The following PPP2R5C variants were observed in gnomAD, a reference collection of about 807,000 sequenced individuals.
PPP2R5C encodes protein phosphatase 2 regulatory subunit B'gamma, also known as serine/threonine-protein phosphatase 2A 56 kDa regulatory subunit gamma isoform.
In PPP2R5C, 7 loss-of-function variants were observed where a neutral mutation model predicts 68.9. The ratio of observed to expected loss-of-function variants is 0.10; its 90% CI spans 0.06 to 0.19. PPP2R5C has a LOEUF of 0.19. PPP2R5C is among the 10% of genes least tolerant of loss of function. PPP2R5C has a pLI of 1.00. For synonymous variants in PPP2R5C, 210 were observed against 222.2 expected (o/e 0.95, Z 0.49); for missense variants, 348 against 641.3 (o/e 0.54, Z 4.94).
Position 101,893,111 on chromosome 14 carries a change from AAGGGGCAGC to A in PPP2R5C, c.798+7_798+15del. 7.6e-6 allele frequency: 12 copies of A among 1,571,266 alleles called. No individual in the cohort carries two copies. The highest frequency in any genetic ancestry group is 1.1e-5 in the Non-Finnish European group (12 of 1,141,172). On this transcript the variant is annotated splice_donor_5th_base_variant and intron_variant, in intron 7 of 13. Transcript: ENST00000334743. ...CTCTGAGTGTCTACCATCCCCAGGT[AAGGGGCAGC>A]AGGACTCTAGGAACACAGCTGTTGG... is the stretch of plus-strand genomic sequence containing the variant.
rs982290240 is a variant in PPP2R5C at position 101,916,259 on chromosome 14, C to T, written c.1327-1572C>T. Among the ~76,000 whole-genome samples the T allele has an allele frequency of 1.3e-5, 2 of 151,952 alleles. No individual in the cohort carries two copies. Among genetic ancestry groups the T allele is most frequent in the Non-Finnish European group, 2.9e-5 (2 of 67,992 alleles). On this transcript the variant is annotated intron_variant, in intron 12 of 13. Transcript: ENST00000334743. This position sits in a 1 kb window ranked among gnomAD's most constrained non-coding sequence, Gnocchi z 5.5. ...GAGCTGTGGGAGTGAAGGCACAGGG[C>T]GCTGAGGACCTGGTCTGACTGGCCT... is the stretch of plus-strand genomic sequence containing the variant.
chr14:101,786,580 CTA>C (rs1764672183), intron 3 of PPP2R5C, among the ~76,000 whole-genome samples: 1 of 152,096 alleles, frequency 6.6e-6, no homozygotes, highest in Non-Finnish European at 1.5e-5. Context: ...TAGAAGTTCC[CTA>C]TGTTTCTAAA....
In PPP2R5C at chr14:101,845,090, A is replaced by G. The variant is rs369477349; in HGVS notation, c.95-11596A>G. ...GGAAATAATGCTGTGCTGGATTTAT[A>G]TCTTTATCCCTAGGAGTTTGTTTGA... On this transcript the variant is annotated intron_variant, in intron 1 of 13. Transcript: ENST00000334743. 1.4e-4 allele frequency among the ~76,000 whole-genome samples: 21 copies of G among 152,016 alleles called. No homozygotes were observed. In the East Asian group the frequency reaches 3.3e-3, roughly 24 times the overall value.
At chr14:101,762,337 G>C (rs1427661888) in intron 1 of PPP2R5C, among the ~76,000 whole-genome samples, 1 of 152,170 alleles carries the variant, frequency 6.6e-6, no homozygotes, top group Non-Finnish European at 1.5e-5. Context: ...GGCTGTAGAC[G>C]CCTGGGGAGG....
exon 14 of PPP2R5C, chr14:101,926,163 G>A (rs2047282109): frequency 6.6e-6 from 1 of 152,206 alleles, no homozygotes; most frequent in Non-Finnish European, 1.5e-5. Context: ...TTTATGGAAA[G>A]TTAGAGCAAA....
At chr14:101,788,771 G>T (rs1566839366) in intron 3 of PPP2R5C, among the ~76,000 whole-genome samples, 2 of 152,186 alleles carry the variant, frequency 1.3e-5, no homozygotes, top group Admixed American at 1.3e-4. Context: ...ATTTCACCTA[G>T]TTCAGAAAAA....
At chr14:101,870,614 A>G (rs2043342754) in intron 2 of PPP2R5C, among the ~76,000 whole-genome samples, 1 of 152,164 alleles carries the variant, frequency 6.6e-6, no homozygotes, top group Non-Finnish European at 1.5e-5. Context: ...CTTTTTGAAA[A>G]TTGTTTTGAC....
chr14:101,828,531 C>T (rs1355403134), intron 1 of PPP2R5C, among the ~76,000 whole-genome samples: 2 of 152,074 alleles, frequency 1.3e-5, no homozygotes, highest in Non-Finnish European at 2.9e-5. Context: ...TGTACACACA[C>T]ACAAATACAT....
chr14:101,850,361 T>G (rs2042084218), intron 1 of PPP2R5C, among the ~76,000 whole-genome samples: 1 of 152,250 alleles, frequency 6.6e-6, no homozygotes, highest in South Asian at 2.1e-4. Context: ...TAAGTGTTTT[T>G]AAAGATACCA....
chr14:101,832,161 G>C (rs2040787054), intron 1 of PPP2R5C, among the ~76,000 whole-genome samples: 1 of 152,178 alleles, frequency 6.6e-6, no homozygotes, highest in Non-Finnish European at 1.5e-5. Context: ...TTGGAGATTT[G>C]TTCAGCAATA....
chr14:101,836,687 A>G (rs184016738), intron 1 of PPP2R5C: 21 of 302,050 alleles, frequency 7.0e-5, no homozygotes, highest in African/African-American at 3.9e-4. Flanking sequence ...AATTAAACAC[A>G]CATGGATCTT....
In PPP2R5C at chr14:101,816,965, T is replaced by TA. The variant is rs201001055; in HGVS notation, c.94+6929_94+6930insA. ...TAAAAATATTATATATGTATATATA[T>TA]TTTTTTTTTTTGAGATGGAGTCTTG... On this transcript the variant is annotated intron_variant, in intron 1 of 13. Transcript: ENST00000334743. Among the ~76,000 whole-genome samples the TA allele has an allele frequency of 3.1e-3, 414 of 135,452 alleles. 3 individuals are homozygous for TA. The highest frequency in any genetic ancestry group is 0.015 in the Middle Eastern group (4 of 266). The allele number at this position is 135,452 out of a possible 152,430, so 88.9% of individuals were successfully genotyped here.
In PPP2R5C at chr14:101,917,380, C is replaced by G. The variant is rs2046735480; in HGVS notation, c.1327-451C>G. ...GGAGAGAGAACCGTGCCAGCTGTCT[C>G]GATGAGAGGACATGATCGTGAGAGG... On this transcript the variant is annotated intron_variant, in intron 12 of 13. Transcript: ENST00000334743. This position sits in a 1 kb window ranked among gnomAD's most constrained non-coding sequence, Gnocchi z 4.4. 6.6e-6 allele frequency among the ~76,000 whole-genome samples: 1 copy of G among 152,018 alleles called. No individual in the cohort carries two copies. Among genetic ancestry groups the G allele is most frequent in the South Asian group, 2.1e-4 (1 of 4,814 alleles).
intron 10 of PPP2R5C, among the ~76,000 whole-genome samples, chr14:101,908,665 C>T (rs544998467): frequency 3.9e-5 from 6 of 152,020 alleles, no homozygotes; most frequent in African/African-American, 1.4e-4. Context: ...TGAGCCACCG[C>T]GCCTGGCTTG....
chr14:101,857,992 C>G (rs908394360), intron 2 of PPP2R5C, among the ~76,000 whole-genome samples: 1 of 152,162 alleles, frequency 6.6e-6, no homozygotes, highest in African/African-American at 2.4e-5. Flanking sequence ...AGGTTGAGAT[C>G]AACTTGATTG....
rs991875176 is a variant in PPP2R5C at position 101,781,896 on chromosome 14, C to T, written c.94-4122C>T. Among the ~76,000 whole-genome samples the T allele has an allele frequency of 2.6e-5, 4 of 151,896 alleles. No individual in the cohort carries two copies. Among genetic ancestry groups the T allele is most frequent in the Non-Finnish European group, 5.9e-5 (4 of 67,900 alleles). ...GGTGTACCGGAGCGGCACCCAGGAGCCCGCCCTAGCACCCGCTCCCGCTCC... is the reference window on the plus strand; with the variant it reads ...GGTGTACCGGAGCGGCACCCAGGAGTCCGCCCTAGCACCCGCTCCCGCTCC... On this transcript the variant is annotated intron_variant, in intron 2 of 14. Coordinates refer to the PPP2R5C transcript ENST00000328724. This position sits in a 1 kb window ranked among gnomAD's most constrained non-coding sequence, Gnocchi z 6.4.
intron 1 of PPP2R5C, among the ~76,000 whole-genome samples, chr14:101,850,101 A>G (rs2042065178): frequency 6.6e-6 from 1 of 152,156 alleles, no homozygotes; most frequent in Admixed American, 6.6e-5. Flanking sequence ...ACAGGCTGCT[A>G]GAGCAAGCAT....
chr14:101,770,666 A>G (rs887178764), intron 2 of PPP2R5C, among the ~76,000 whole-genome samples: 3 of 152,230 alleles, frequency 2.0e-5, no homozygotes, highest in African/African-American at 7.2e-5. Flanking sequence ...AAGCTTCGCT[A>G]CGGTATATGC....
intron 13 of PPP2R5C, among the ~76,000 whole-genome samples, chr14:101,922,996 G>A (rs1209353071): frequency 6.6e-6 from 1 of 152,126 alleles, no homozygotes; most frequent in African/African-American, 2.4e-5. Context: ...TGAGCCTTCC[G>A]GGTCTGCCCG....
Sources: gnomAD v4.1 joint callset for allele counts (sites outside exome capture counted in the v4.1 genomes callset) on GRCh38, gnomAD v4.1.1 for gene constraint, Gnocchi (gnomAD v3.1) non-coding constraint, MANE v1.5 for transcripts, NCBI Gene and HGNC (gene_info 2026-07-23, HGNC 2026-07-21) for gene names.